The following KIF20B variants were observed in gnomAD, a reference collection of about 807,000 sequenced individuals.
KIF20B encodes kinesin family member 20B, also known as kinesin-like protein KIF20B.
A neutral mutation model predicts 232.5 loss-of-function variants in KIF20B; 188 were observed. The ratio of observed to expected loss-of-function variants is 0.81; its 90% confidence interval spans 0.72 to 0.91. The LOEUF is 0.91. KIF20B is among the 40% of genes least tolerant of loss of function. The pLI is 0.00. For missense variants in KIF20B, 2,154 were observed against 2,055.9 expected (o/e 1.05, Z -0.92); for synonymous variants, 712 against 683.0 (o/e 1.04, Z -0.66).
rs1206592813 is a variant in KIF20B at position 89,701,598 on chromosome 10, G to T, written c.-84G>T. 6.6e-6 allele frequency: 1 copy of T among 152,352 alleles called. No homozygotes were observed. The highest frequency in any genetic ancestry group is 2.4e-5 in the African/African-American group (1 of 41,474). The allele number at this position is 152,352 out of a possible 1,614,324, so 9.4% of individuals were successfully genotyped here. A position where few individuals can be genotyped will look rare whatever the true frequency, so the allele number is the denominator to read the frequency against. On this transcript the variant is annotated 5_prime_UTR_variant, in exon 1 of 33. Coordinates refer to ENST00000371728, the MANE Select transcript of KIF20B (RefSeq NM_001284259.2). ...ACCTACTCCCAGCGTTCAGTGCGGT[G>T]CCCTGGCCGCCATTGTTTGAATTTG...
intron 23 of KIF20B, among the ~76,000 whole-genome samples, chr10:89,750,794 A>G (rs1055319944): frequency 5.9e-5 from 9 of 152,114 alleles, no homozygotes; most frequent in African/African-American, 2.2e-4. Flanking sequence ...TTCAAAAGCC[A>G]TTTCTGAGGA....
Position 89,762,618 on chromosome 10 carries a change from C to A in KIF20B, c.4792-20C>A, listed in dbSNP as rs370503449. 6.4e-7 allele frequency: 1 copy of A among 1,563,226 alleles called. No homozygotes were observed. Among genetic ancestry groups the A allele is most frequent in the South Asian group, 1.1e-5 (1 of 88,482 alleles). Reference sequence around the variant, plus strand: ...TGTATACTCTACAAATAATATTTTTCCTTTTACATTCTGTTGTAGGATGGA... The same window carrying A: ...TGTATACTCTACAAATAATATTTTTACTTTTACATTCTGTTGTAGGATGGA... On this transcript the variant is annotated intron_variant, in intron 28 of 32. Coordinates refer to ENST00000371728, the MANE Select transcript of KIF20B (RefSeq NM_001284259.2).
chr10:89,731,212 C>T (rs1356918353), intron 18 of KIF20B, among the ~76,000 whole-genome samples: 2 of 152,144 alleles, frequency 1.3e-5, no homozygotes, highest in South Asian at 2.1e-4. Flanking sequence ...GTGACTACAA[C>T]TTCAAAGAAA....
At chr10:89,752,492 C>T in intron 24 of KIF20B, 75 bp from the exon 25 acceptor site, 1 of 1,054,882 alleles carries the variant, frequency 9.5e-7, no homozygotes. Flanking sequence ...GTGTCTGTAG[C>T]CCATGTCAAG....
At chr10:89,766,166 C>T (rs1165363216) in intron 29 of KIF20B, 1 of 152,116 alleles carries the variant, frequency 6.6e-6, no homozygotes, top group Non-Finnish European at 1.5e-5. Flanking sequence ...GGTCTTTTCA[C>T]ATAGTCCCAT....
intron 23 of KIF20B, 94 bp from the exon 24 acceptor site, chr10:89,751,252 G>C: frequency 9.9e-7 from 1 of 1,010,966 alleles, no homozygotes. Flanking sequence ...TTCTATTACA[G>C]TTAATAAAAA....
At chr10:89,741,342 G>C (rs1030860192) in intron 21 of KIF20B, among the ~76,000 whole-genome samples, 1 of 152,160 alleles carries the variant, frequency 6.6e-6, no homozygotes, top group Non-Finnish European at 1.5e-5. Context: ...CTTGTCTGCC[G>C]CTCACCTCCT....
At chr10:89,759,396 G>A (rs1400007722) in intron 27 of KIF20B, among the ~76,000 whole-genome samples, 1 of 152,056 alleles carries the variant, frequency 6.6e-6, no homozygotes, top group East Asian at 1.9e-4. Context: ...GCCTTTTACA[G>A]ATAGCTGCTT....
chr10:89,760,870 T>C (rs1842225340), intron 28 of KIF20B, among the ~76,000 whole-genome samples: 1 of 152,144 alleles, frequency 6.6e-6, no homozygotes. Context: ...AGAAACAAAC[T>C]TGATGGTCAG....
intron 6 of KIF20B, among the ~76,000 whole-genome samples, chr10:89,712,735 T>C (rs1209257276): frequency 6.6e-6 from 1 of 152,226 alleles, no homozygotes; most frequent in African/African-American, 2.4e-5. Flanking sequence ...ATATAAACTT[T>C]TAAAAATGAA....
At chr10:89,721,591 G>C (rs1361226171) in intron 13 of KIF20B, among the ~76,000 whole-genome samples, 1 of 152,098 alleles carries the variant, frequency 6.6e-6, no homozygotes, top group Non-Finnish European at 1.5e-5. Flanking sequence ...GATTGCTTGA[G>C]CCCAGGATTT....
At position 89,701,627 on chromosome 10, in the gene KIF20B, A is replaced by G. The variant is rs571232914; in HGVS notation, c.-55A>G. 6.6e-6 allele frequency: 1 copy of G among 152,392 alleles called. No homozygotes were observed. The highest frequency in any genetic ancestry group is 2.4e-5 in the African/African-American group (1 of 41,562). 9.4% of individuals were successfully genotyped at this position (152,392 alleles called of 1,614,324 possible). On this transcript the variant is annotated 5_prime_UTR_variant, in exon 1 of 33. Transcript: ENST00000371728. ...TGGCCGCCATTGTTTGAATTTGAAA[A>G]CGGTAACATCGCAGTGCTGCTCGCG... is the stretch of plus-strand genomic sequence containing the variant.
chr10:89,727,176 A>G (rs1843208023), intron 16 of KIF20B, among the ~76,000 whole-genome samples: 1 of 151,882 alleles, frequency 6.6e-6, no homozygotes, highest in Admixed American at 6.6e-5. Flanking sequence ...TAGAGTGACT[A>G]CTGTGGAGTG....
chr10:89,734,934 A>G (rs1334523581), intron 19 of KIF20B, among the ~76,000 whole-genome samples: 1 of 152,210 alleles, frequency 6.6e-6, no homozygotes, highest in African/African-American at 2.4e-5. Flanking sequence ...ATACCCCAGA[A>G]CACTAATTCT....
At chr10:89,763,837 A>T (rs1410084795) in intron 29 of KIF20B, among the ~76,000 whole-genome samples, 1 of 148,890 alleles carries the variant, frequency 6.7e-6, no homozygotes, top group Non-Finnish European at 1.5e-5. Context: ...ATTACTATTT[A>T]TTAATAGTTA....
At chr10:89,728,924 T>TGC (rs1843253804) in intron 17 of KIF20B, among the ~76,000 whole-genome samples, 1 of 136,072 alleles carries the variant, frequency 7.3e-6, no homozygotes, top group African/African-American at 2.9e-5. Flanking sequence ...TGTGTGTGTG[T>TGC]GTGTGTGTGT....
At chr10:89,722,063 C>T (rs978511940) in intron 13 of KIF20B, among the ~76,000 whole-genome samples, 2 of 152,012 alleles carry the variant, frequency 1.3e-5, no homozygotes, top group African/African-American at 4.8e-5. Context: ...AGATGCATGC[C>T]ACCACCCCTA....
chr10:89,757,913 G>T (rs1842162684), intron 26 of KIF20B, among the ~76,000 whole-genome samples: 1 of 148,812 alleles, frequency 6.7e-6, no homozygotes, highest in Non-Finnish European at 1.5e-5. Flanking sequence ...TAATTTTTTT[G>T]CCACTTTTTT....
intron 13 of KIF20B, 115 bp from the exon 14 acceptor site, chr10:89,723,849 G>T: frequency 1.2e-6 from 1 of 862,162 alleles, no homozygotes. Flanking sequence ...CTATTAAAAA[G>T]GACACAGAAT....
Sources: gnomAD v4.1 joint callset for allele counts (sites outside exome capture counted in the v4.1 genomes callset) on GRCh38, gnomAD v4.1.1 for gene constraint, MANE v1.5 for transcripts, NCBI Gene and HGNC (gene_info 2026-07-23, HGNC 2026-07-21) for gene names.